Variants in USP34 observed in about 807,000 individuals in gnomAD.
USP34 encodes the protein ubiquitin specific peptidase 34, also known as ubiquitin carboxyl-terminal hydrolase 34.
A neutral mutation model predicts 460.3 loss-of-function variants in USP34; 70 were observed. The observed-to-expected ratio is 0.15, with a 90% CI of 0.13 to 0.19. The LOEUF is 0.19. Ranked by LOEUF, USP34 falls within the 10% of genes least tolerant of loss-of-function variation. The pLI, the probability that USP34 is intolerant of heterozygous loss-of-function variation, is 1.00. For synonymous variants in USP34, 1,647 were observed against 1,405.3 expected (o/e 1.17, Z -3.85); for missense variants, 3,985 against 4,236.2 (o/e 0.94, Z 1.65).
At chr2:61,464,494 G>C (rs769917630) in intron 1 of USP34, among the ~76,000 whole-genome samples, 10 of 152,134 alleles carry the variant, frequency 6.6e-5, no homozygotes, top group Non-Finnish European at 7.3e-5. Context: ...TACAACACTT[G>C]CTCTTGCCTA....
intron 1 of USP34, among the ~76,000 whole-genome samples, chr2:61,432,147 T>C (rs79488807): frequency 0.016 from 2,359 of 151,928 alleles, 28 homozygotes; most frequent in Non-Finnish European, 0.023. Context: ...GAGACCAGCC[T>C]GGGCAACTTA....
intron 19 of USP34, among the ~76,000 whole-genome samples, chr2:61,332,724 C>A (rs1426442873): frequency 1.3e-5 from 2 of 151,980 alleles, no homozygotes. Context: ...CTTTCCCTTA[C>A]CCCTCCTTTT....
chr2:61,247,174 A>G (rs1049709048), intron 49 of USP34, among the ~76,000 whole-genome samples: 7 of 152,220 alleles, frequency 4.6e-5, no homozygotes, highest in South Asian at 2.1e-4. Context: ...GAGTGGTCTA[A>G]TAAGTTTGAA....
At position 61,248,558 on chromosome 2, in the gene USP34, G is replaced by C. The variant is rs370236696; in HGVS notation, c.6347C>G (p.Thr2116Arg). 6.2e-7 allele frequency: 1 copy of C among 1,606,608 alleles called. No individual in the cohort carries two copies. Among genetic ancestry groups the C allele is most frequent in the Non-Finnish European group, 8.5e-7 (1 of 1,175,420 alleles). The change falls in exon 49 of 80, where the codon ACG (threonine) becomes AGG (arginine). Residue 2116 changes from threonine (T) to arginine (R), a missense_variant. Thr to Arg is a moderately conservative substitution (Grantham distance 71, BLOSUM62 -1). This residue lies in a region of USP34 where 145 missense variants were observed against 291.6 expected (regional missense o/e 0.50). Coordinates refer to ENST00000398571, the MANE Select transcript of USP34 (RefSeq NM_014709.4). ...HFSFPLRLDM[T>R]PYTEDFLMGK... Reference sequence around the variant, plus strand: ...CATAAGAAAATCTTCTGTATAGGGCGTCATGTCCAAACGTAATGGGAAGGA... The same window carrying C: ...CATAAGAAAATCTTCTGTATAGGGCCTCATGTCCAAACGTAATGGGAAGGA...
intron 21 of USP34, 99 bp downstream of exon 21, chr2:61,325,276 T>TA (rs369202857): frequency 0.28 from 163,061 of 592,674 alleles, 88 homozygotes; most frequent in East Asian, 0.3. Flanking sequence ...TAAATTAAAC[T>TA]AAAAAAAAAA....
intron 53 of USP34, among the ~76,000 whole-genome samples, chr2:61,241,190 C>T (rs1189612640): frequency 2.0e-5 from 3 of 151,968 alleles, no homozygotes; most frequent in African/African-American, 4.8e-5. Flanking sequence ...ATTACAGGCG[C>T]CCACCACCAC....
intron 10 of USP34, among the ~76,000 whole-genome samples, chr2:61,362,498 C>T (rs183354067): frequency 9.2e-5 from 14 of 152,240 alleles, no homozygotes; most frequent in African/African-American, 2.2e-4. Context: ...GGAGGAAATC[C>T]TTCCATTTTT....
rs760177067 is a variant in USP34, at chr2:61,380,150, T to C, written c.1014+19A>G. On this transcript the variant is annotated intron_variant, in intron 7 of 79. Coordinates refer to ENST00000398571, the MANE Select transcript of USP34 (RefSeq NM_014709.4). The stretch of plus-strand genomic sequence containing the variant: ...AAAACAAATAAACGATGACCAAAAA[T>C]AAAACAAATACAGCTTACTGTTATC... The C allele has an allele frequency of 7.0e-5, 112 of 1,599,336 alleles. No individual in the cohort carries two copies. The highest frequency in any genetic ancestry group is 9.1e-5 in the Non-Finnish European group (107 of 1,171,426).
intron 42 of USP34, 137 bp downstream of exon 42, chr2:61,265,841 TTTTAAC>T: frequency 1.1e-6 from 1 of 889,392 alleles, no homozygotes; most frequent in Non-Finnish European, 1.5e-6. Context: ...AATGTTTACT[TTTTAAC>T]TTTAATAACA....
chr2:61,385,559 C>T (rs1415903605), intron 5 of USP34, among the ~76,000 whole-genome samples: 1 of 149,294 alleles, frequency 6.7e-6, no homozygotes, highest in African/African-American at 2.5e-5. Flanking sequence ...GTAGTCCCAG[C>T]TACTTGGGAG....
At chr2:61,338,443 T>A (rs903245210) in intron 18 of USP34, among the ~76,000 whole-genome samples, 2 of 152,180 alleles carry the variant, frequency 1.3e-5, no homozygotes, top group African/African-American at 4.8e-5. Context: ...GTATTGCCCT[T>A]TAAAGAACCA....
At chr2:61,339,505 A>G (rs776452920) in intron 17 of USP34, 27 bp from the exon 18 acceptor site, 1 of 1,557,498 alleles carries the variant, frequency 6.4e-7, no homozygotes, top group Non-Finnish European at 8.7e-7. Flanking sequence ...TAAAATTACT[A>G]TTTATCCTAA....
intron 5 of USP34, among the ~76,000 whole-genome samples, chr2:61,383,903 T>C (rs559537849): frequency 6.6e-6 from 1 of 152,308 alleles, no homozygotes; most frequent in Admixed American, 6.5e-5. Context: ...CTTAGCTTCT[T>C]GCTGAAAAGA....
intron 67 of USP34, among the ~76,000 whole-genome samples, chr2:61,218,827 C>T (rs1011274636): frequency 2.6e-5 from 4 of 152,156 alleles, no homozygotes; most frequent in Non-Finnish European, 4.4e-5. Context: ...TTTGCCATCA[C>T]GCCATATCAA....
Position 61,348,012 on chromosome 2 carries a change from C to G in USP34, c.2143G>C (p.Ala715Pro). ...ISGEMNATHI[A>P]QGSQESCITR... ...ATACAAGACTCCTGAGACCCTTGTG[C>G]TATATGAGTAGCATTCATTTCCCCT... is the stretch of plus-strand genomic sequence containing the variant. Residue 715 changes from alanine (A) to proline (P), a missense_variant, in exon 15 of 80, where the codon GCA becomes CCA. By Grantham distance (27) the Ala-to-Pro change is conservative (BLOSUM62 -1). Transcript: ENST00000398571. 1 of 1,614,134 alleles carries G rather than the reference C, an allele frequency of 6.2e-7. No homozygotes were observed.
chr2:61,441,802 C>CAAAAAAAAAAAAAAAAAAAAAAAAAAAAA (rs70963429), intron 1 of USP34, among the ~76,000 whole-genome samples: 2 of 97,332 alleles, frequency 2.1e-5, no homozygotes, highest in Non-Finnish European at 4.2e-5. Flanking sequence ...GACTGCATTA[C>CAAAAAAAAAAAAAAAAAAAAAAAAAAAAA]AAAAAAAAAA....
At chr2:61,204,658 A>G (rs2103770942) in intron 72 of USP34, 57 bp from the exon 73 acceptor site, 1 of 1,351,874 alleles carries the variant, frequency 7.4e-7, no homozygotes, top group Non-Finnish European at 1.1e-6. Flanking sequence ...TCTGCCTACT[A>G]CTTTCCATCT....
rs1348748101 is a variant in USP34, at chr2:61,471,056, C to A, written c.-364G>T. 1.8e-5 allele frequency: 4 copies of A among 226,896 alleles called. 1 individual carries two copies. The highest frequency in any genetic ancestry group is 3.5e-5 in the Non-Finnish European group (4 of 115,852). 14.1% of individuals were successfully genotyped at this position (226,896 alleles called of 1,614,324 possible). On this transcript the variant is annotated 5_prime_UTR_variant, in exon 1 of 80. Transcript: ENST00000398571. ...CCAGACGCCGCGGCCACCGCCGACG[C>A]CGCCGCCATTTTAACAGAGCGCTCG...
chr2:61,355,832 T>A (rs1692085513), intron 10 of USP34, among the ~76,000 whole-genome samples: 1 of 152,218 alleles, frequency 6.6e-6, no homozygotes, highest in Admixed American at 6.5e-5. Flanking sequence ...GGTATTTTTT[T>A]AAAACTTGAT....
Sources: gnomAD v4.1 joint callset for allele counts (sites outside exome capture counted in the v4.1 genomes callset) on GRCh38, gnomAD v4.1.1 for gene constraint, gnomAD v4.1.1 regional missense constraint, MANE v1.5 for transcripts, NCBI Gene and HGNC (gene_info 2026-07-23, HGNC 2026-07-21) for gene names.